Variants in TENM4 observed in about 807,000 individuals in gnomAD.
TENM4 encodes teneurin transmembrane protein 4.
Under a neutral mutation model 243.3 loss-of-function variants are expected in TENM4, and 82 were observed. The ratio of observed to expected loss-of-function variants is 0.34; its 90% CI spans 0.28 to 0.40. TENM4 has a LOEUF of 0.40. TENM4 is among the 10% of genes least tolerant of loss of function. TENM4 has a pLI of 1.00. For synonymous variants in TENM4, 1,412 were observed against 1,456.3 expected, an observed-to-expected ratio of 0.97 and a Z score of 0.69; for missense variants, 3,138 against 3,673.3, an observed-to-expected ratio of 0.85 and a Z score of 3.77.
At chr11:79,371,695 G>A (rs1424347962) in intron 1 of TENM4, among the ~76,000 whole-genome samples, 1 of 152,302 alleles carries the variant, frequency 6.6e-6, no homozygotes, top group East Asian at 1.9e-4. Flanking sequence ...AATTTCATGA[G>A]TTCCTTGAGA....
chr11:78,753,936 G>C (rs989417684), intron 19 of TENM4, among the ~76,000 whole-genome samples: 14 of 152,200 alleles, frequency 9.2e-5, no homozygotes, highest in Non-Finnish European at 1.0e-4. Flanking sequence ...TCTGCAATGT[G>C]ATTTTTAGCA....
intron 6 of TENM4, among the ~76,000 whole-genome samples, chr11:78,995,271 C>T (rs1305674962): frequency 6.6e-6 from 1 of 152,094 alleles, no homozygotes; most frequent in Non-Finnish European, 1.5e-5. Context: ...ACTGGAGAGG[C>T]AGATCAGCTC....
intron 6 of TENM4, among the ~76,000 whole-genome samples, chr11:79,027,333 T>A (rs949107470): frequency 1.1e-4 from 17 of 152,320 alleles, no homozygotes; most frequent in African/African-American, 4.1e-4. Context: ...TAAGTCCTGA[T>A]TCCCATCTAT....
At chr11:79,006,522 T>C (rs1285675048) in intron 6 of TENM4, among the ~76,000 whole-genome samples, 1 of 152,166 alleles carries the variant, frequency 6.6e-6, no homozygotes, top group Non-Finnish European at 1.5e-5. Context: ...CTGTGAATCT[T>C]CACCAAAACT....
At chr11:79,158,768 C>T (rs1862678279) in intron 3 of TENM4, among the ~76,000 whole-genome samples, 1 of 152,146 alleles carries the variant, frequency 6.6e-6, no homozygotes, top group African/African-American at 2.4e-5. Flanking sequence ...ATAATTTGCA[C>T]AGGATCATAC....
chr11:79,409,197 C>T (rs2135569649), intron 1 of TENM4, among the ~76,000 whole-genome samples: 1 of 148,920 alleles, frequency 6.7e-6, no homozygotes, highest in Admixed American at 6.7e-5. Flanking sequence ...AGCTTCTCTT[C>T]CAGAAAAAAA....
chr11:79,172,669 T>TTG (rs1232705007), intron 3 of TENM4, among the ~76,000 whole-genome samples: 72 of 149,548 alleles, frequency 4.8e-4, no homozygotes, highest in African/African-American at 1.7e-3. Flanking sequence ...TCTGTTCCTT[T>TTG]TTTTTTTTTT....
intron 6 of TENM4, among the ~76,000 whole-genome samples, chr11:79,036,754 G>A (rs1431743817): frequency 6.6e-6 from 1 of 152,162 alleles, no homozygotes; most frequent in Non-Finnish European, 1.5e-5. Flanking sequence ...GCTCACGCCT[G>A]TAGTCCCAGC....
chr11:79,226,602 T>G (rs1421110197), intron 2 of TENM4, among the ~76,000 whole-genome samples: 7 of 152,176 alleles, frequency 4.6e-5, no homozygotes, highest in Non-Finnish European at 5.9e-5. Context: ...ATAGTATGAA[T>G]GAACAGAATC....
chr11:79,267,564 C>T (rs937627554), intron 2 of TENM4, among the ~76,000 whole-genome samples: 2 of 152,124 alleles, frequency 1.3e-5, no homozygotes, highest in Non-Finnish European at 2.9e-5. Context: ...TGCTTTGTGA[C>T]CTAGACAAAT....
At chr11:79,041,058 G>A (rs1859510659) in intron 6 of TENM4, among the ~76,000 whole-genome samples, 2 of 113,854 alleles carry the variant, frequency 1.8e-5, no homozygotes, top group Non-Finnish European at 3.6e-5. Flanking sequence ...CAAATCATTT[G>A]CCATTCTCCT....
At chr11:79,302,366 T>A (rs1038935885) in intron 1 of TENM4, among the ~76,000 whole-genome samples, 2 of 152,190 alleles carry the variant, frequency 1.3e-5, no homozygotes, top group Non-Finnish European at 2.9e-5. Flanking sequence ...AGGGTGAAAG[T>A]ATCTCAAGAA....
At chr11:78,818,298 C>T (rs1257403484) in intron 12 of TENM4, among the ~76,000 whole-genome samples, 1 of 152,212 alleles carries the variant, frequency 6.6e-6, no homozygotes, top group Non-Finnish European at 1.5e-5. Flanking sequence ...ATTCTGATTT[C>T]CGGAGTCTGC....
At chr11:79,043,082 G>C (rs7122093) in intron 6 of TENM4, among the ~76,000 whole-genome samples, 26 of 152,256 alleles carry the variant, frequency 1.7e-4, no homozygotes, top group African/African-American at 6.0e-4. Flanking sequence ...ACCCCACTCT[G>C]GGATATTCCA....
intron 19 of TENM4, among the ~76,000 whole-genome samples, chr11:78,741,516 G>A (rs1265587566): frequency 3.3e-5 from 5 of 152,168 alleles, no homozygotes; most frequent in Admixed American, 1.3e-4. Context: ...AAGAGCAAAC[G>A]TAACATCAAA....
chr11:79,080,276 T>G (rs1191286279), intron 4 of TENM4, among the ~76,000 whole-genome samples: 2 of 152,212 alleles, frequency 1.3e-5, no homozygotes, highest in Non-Finnish European at 2.9e-5. Flanking sequence ...GACAAGGGGT[T>G]GGAGCGGATG....
intron 4 of TENM4, among the ~76,000 whole-genome samples, chr11:79,111,664 T>C (rs1861512034): frequency 6.6e-6 from 1 of 152,140 alleles, no homozygotes; most frequent in East Asian, 1.9e-4. Flanking sequence ...ATATACTCCT[T>C]AATGGACCAG....
At position 78,934,997 on chromosome 11, in the gene TENM4, C is replaced by CTTTTTTTTTTT. The variant is rs530062569; in HGVS notation, c.494-31485_494-31475dup. Reference sequence around the variant, plus strand: ...ATTTTGTGAGTGAGGAAGTATGCAACTTTTTTTTTTTTTTTTTTTTTTTTT... The same window carrying CTTTTTTTTTTT: ...ATTTTGTGAGTGAGGAAGTATGCAACTTTTTTTTTTTTTTTTTTTTTTTTTTTTTTTTTTTT... On this transcript the variant is annotated intron_variant, in intron 6 of 33. Coordinates refer to ENST00000278550, the MANE Select transcript of TENM4 (RefSeq NM_001098816.3). Among the ~76,000 whole-genome samples, 6 of 81,108 alleles carry CTTTTTTTTTTT rather than the reference C, an allele frequency of 7.4e-5. 1 individual carries two copies. The highest frequency in any genetic ancestry group is 2.1e-4 in the African/African-American group (4 of 19,028). The allele number at this position is 81,108 out of a possible 152,430, so 53.2% of individuals were successfully genotyped here.
chr11:78,894,336 C>A (rs1855739367), intron 7 of TENM4, among the ~76,000 whole-genome samples: 1 of 151,962 alleles, frequency 6.6e-6, no homozygotes, highest in African/African-American at 2.4e-5. Flanking sequence ...GATACAGAGT[C>A]AAATTTATAC....
Sources: allele counts gnomAD v4.1 joint callset (sites outside exome capture counted in the v4.1 genomes callset), GRCh38; gene constraint gnomAD v4.1.1; transcripts MANE v1.5; gene names NCBI Gene and HGNC (gene_info 2026-07-23, HGNC 2026-07-21).